Variants in C13orf42 observed in about 807,000 individuals in gnomAD.
C13orf42 encodes chromosome 13 open reading frame 42.
chr13:51,095,537 GT>G (rs532759692), intron 1 of C13orf42, among the ~76,000 whole-genome samples: 51 of 147,620 alleles, frequency 3.5e-4, no homozygotes, highest in African/African-American at 6.4e-4. Context: ...TACTTATTTG[GT>G]TTTTTTTTTA....
intron 1 of C13orf42, among the ~76,000 whole-genome samples, chr13:51,136,311 A>C (rs1953657503): frequency 2.0e-5 from 3 of 152,172 alleles, no homozygotes; most frequent in Middle Eastern, 3.4e-3. Context: ...CCAAAATAAG[A>C]AGCAAGGTGA....
At chr13:51,126,511 A>ATT (rs1468764641) in intron 1 of C13orf42, among the ~76,000 whole-genome samples, 2 of 152,220 alleles carry the variant, frequency 1.3e-5, no homozygotes, top group African/African-American at 4.8e-5. Flanking sequence ...CAAATTTAAA[A>ATT]AGCATTACCT....
intron 1 of C13orf42, among the ~76,000 whole-genome samples, chr13:51,168,637 T>A (rs729030): frequency 0.14 from 21,157 of 152,192 alleles, 1,857 homozygotes; most frequent in South Asian, 0.33. Flanking sequence ...CCATCACCAA[T>A]GACATGAAGC....
intron 1 of C13orf42, among the ~76,000 whole-genome samples, chr13:51,101,721 A>G (rs1953294201): frequency 6.6e-6 from 1 of 152,230 alleles, no homozygotes; most frequent in African/African-American, 2.4e-5. Flanking sequence ...GCTCACAGTT[A>G]GTGGCATAGA....
chr13:51,161,663 A>G (rs1953865496), intron 1 of C13orf42: 1 of 178,730 alleles, frequency 5.6e-6, no homozygotes, highest in Admixed American at 6.2e-5. Context: ...CTTCCCATGG[A>G]AACTACAATA....
At chr13:51,087,490 C>A (rs1365121146) in intron 2 of C13orf42, among the ~76,000 whole-genome samples, 1 of 152,132 alleles carries the variant, frequency 6.6e-6, no homozygotes, top group African/African-American at 2.4e-5. Context: ...AGTATATTCA[C>A]GTTGTTTTGC....
chr13:51,085,176 C>T (rs1953108132), intron 3 of C13orf42, 143 bp downstream of exon 3: 1 of 178,724 alleles, frequency 5.6e-6, no homozygotes, highest in African/African-American at 4.2e-5. Context: ...CCACCACCAG[C>T]AACAACAAAT....
At chr13:51,163,986 T>C (rs1953886155) in intron 1 of C13orf42, among the ~76,000 whole-genome samples, 1 of 152,088 alleles carries the variant, frequency 6.6e-6, no homozygotes, top group South Asian at 2.1e-4. Flanking sequence ...ATAGGATGTC[T>C]AGAAAGTGTT....
chr13:51,135,612 T>C (rs1953651573), intron 1 of C13orf42, among the ~76,000 whole-genome samples: 1 of 150,322 alleles, frequency 6.7e-6, no homozygotes. Flanking sequence ...ATGATCACAC[T>C]ACTGCACTCC....
intron 1 of C13orf42, among the ~76,000 whole-genome samples, chr13:51,157,139 CA>C (rs1953830196): frequency 1.3e-5 from 2 of 152,150 alleles, no homozygotes; most frequent in South Asian, 4.2e-4. Flanking sequence ...CTTTCCCCAT[CA>C]ATTCCCACAC....
At chr13:51,131,312 A>G (rs771026502) in intron 1 of C13orf42, among the ~76,000 whole-genome samples, 1 of 152,232 alleles carries the variant, frequency 6.6e-6, no homozygotes, top group Non-Finnish European at 1.5e-5. Context: ...ATAGGACACA[A>G]TTGGAAAAAC....
chr13:51,115,585 T>C (rs958991639), upstream of C13orf42, among the ~76,000 whole-genome samples: 17 of 152,088 alleles, frequency 1.1e-4, no homozygotes, highest in Non-Finnish European at 1.0e-4. Flanking sequence ...TGGTCCCTAA[T>C]TGCACATCTA....
At chr13:51,149,312 GAAAA>G in intron 1 of C13orf42, among the ~76,000 whole-genome samples, 1 of 103,102 alleles carries the variant, frequency 9.7e-6, no homozygotes, top group Non-Finnish European at 1.9e-5. Context: ...GGCTGAAATT[GAAAA>G]AAAAAAAAAA....
chr13:51,171,148 C>A (rs1240933284), intron 1 of C13orf42, among the ~76,000 whole-genome samples: 4 of 152,098 alleles, frequency 2.6e-5, no homozygotes, highest in African/African-American at 7.3e-5. Context: ...TCCATTCCTC[C>A]TTCTCCTCCC....
intron 1 of C13orf42, among the ~76,000 whole-genome samples, 173 bp from the exon 2 acceptor site, chr13:51,088,248 A>G (rs1953150621): frequency 2.0e-5 from 3 of 152,210 alleles, no homozygotes; most frequent in South Asian, 2.1e-4. Flanking sequence ...CCAGGTCCAT[A>G]ATTGCTGTAG....
intron 1 of C13orf42, among the ~76,000 whole-genome samples, chr13:51,153,202 C>A (rs1953793471): frequency 6.6e-6 from 1 of 152,172 alleles, no homozygotes; most frequent in Admixed American, 6.5e-5. Context: ...TTCTTCAACA[C>A]CCCCTCCCCT....
At chr13:51,104,774 T>TAAAA (rs11336196) in intron 1 of C13orf42, among the ~76,000 whole-genome samples, 1 of 140,676 alleles carries the variant, frequency 7.1e-6, no homozygotes, top group East Asian at 2.1e-4. Context: ...GCTATTATAT[T>TAAAA]AAAAAAAAAA....
intron 1 of C13orf42, among the ~76,000 whole-genome samples, chr13:51,126,150 TTTTG>T (rs1192964726): frequency 3.3e-5 from 5 of 152,218 alleles, no homozygotes; most frequent in Non-Finnish European, 7.3e-5. Context: ...ATTGCCACTA[TTTTG>T]TTTAACATGC....
At chr13:51,086,199 C>T (rs1409677665) in intron 2 of C13orf42, among the ~76,000 whole-genome samples, 2 of 151,058 alleles carry the variant, frequency 1.3e-5, no homozygotes. Context: ...CCCAGCTACT[C>T]GGGAGGCTGA....
Sources: allele counts gnomAD v4.1 joint callset (sites outside exome capture counted in the v4.1 genomes callset), GRCh38; gene constraint gnomAD v4.1.1; transcripts MANE v1.5; gene names NCBI Gene and HGNC (gene_info 2026-07-23, HGNC 2026-07-21).